DPYD: variants seen among roughly 807,000 people sequenced by gnomAD.
DPYD encodes the protein dihydropyrimidine dehydrogenase [NADP(+)].
DPYD carries 109 observed loss-of-function variants against 116.2 expected under a neutral mutation model. The observed-to-expected ratio is 0.94, with a 90% confidence interval of 0.80 to 1.10. DPYD has a LOEUF of 1.10. Among genes scored for constraint, DPYD ranks in the 50% least tolerant of loss-of-function variants. DPYD has a pLI of 0.00. For missense variants in DPYD, 1,302 were observed against 1,254.5 expected (o/e 1.04, Z -0.57); for synonymous variants, 440 against 432.0 (o/e 1.02, Z -0.23).
intron 13 of DPYD, among the ~76,000 whole-genome samples, chr1:97,451,582 G>A (rs902573386): frequency 2.0e-5 from 3 of 152,042 alleles, no homozygotes; most frequent in African/African-American, 7.2e-5. Context: ...GCTTTGATTT[G>A]CTATTGTGAA....
chr1:97,844,626 G>A (rs1670199589), intron 2 of DPYD, among the ~76,000 whole-genome samples: 1 of 152,186 alleles, frequency 6.6e-6, no homozygotes, highest in Admixed American at 6.5e-5. Context: ...CAGCTGGGGA[G>A]GTATGGCTGG....
intron 3 of DPYD, among the ~76,000 whole-genome samples, chr1:97,770,164 C>T (rs1227792460): frequency 1.3e-5 from 2 of 152,198 alleles, no homozygotes; most frequent in Admixed American, 1.3e-4. Flanking sequence ...AAGTTTGAAG[C>T]TCGCATGTCC....
chr1:97,264,834 A>G (rs1209626944), intron 18 of DPYD, among the ~76,000 whole-genome samples: 2 of 152,144 alleles, frequency 1.3e-5, no homozygotes, highest in African/African-American at 4.8e-5. Flanking sequence ...CACACATCAG[A>G]TATTTCTTGA....
At chr1:97,317,237 T>G (rs895704500) in intron 16 of DPYD, among the ~76,000 whole-genome samples, 1 of 152,014 alleles carries the variant, frequency 6.6e-6, no homozygotes. Context: ...AATGAGGGTA[T>G]GCAGCATAAT....
intron 16 of DPYD, among the ~76,000 whole-genome samples, chr1:97,310,539 C>T (rs1357135970): frequency 6.6e-6 from 1 of 151,748 alleles, no homozygotes; most frequent in African/African-American, 2.4e-5. Flanking sequence ...TCAACTGTTC[C>T]AGGCACAATT....
chr1:97,735,395 G>A (rs1289646460), intron 4 of DPYD, among the ~76,000 whole-genome samples: 11 of 151,854 alleles, frequency 7.2e-5, no homozygotes, highest in East Asian at 1.9e-4. Context: ...AATAAAAGGC[G>A]GCCAGGTGCG....
At chr1:97,134,767 GC>G (rs1653657425) in intron 20 of DPYD, among the ~76,000 whole-genome samples, 1 of 152,100 alleles carries the variant, frequency 6.6e-6, no homozygotes, top group Non-Finnish European at 1.5e-5. Flanking sequence ...GCTCTGCAGG[GC>G]CACGTGAGAT....
intron 19 of DPYD, among the ~76,000 whole-genome samples, chr1:97,212,092 C>T (rs965758340): frequency 2.0e-5 from 3 of 150,666 alleles, no homozygotes; most frequent in African/African-American, 7.4e-5. Flanking sequence ...TAGCATAAAA[C>T]TCGCCCACTA....
intron 1 of DPYD, among the ~76,000 whole-genome samples, chr1:97,897,094 G>T (rs1443871609): frequency 1.3e-5 from 2 of 151,800 alleles, no homozygotes; most frequent in African/African-American, 4.8e-5. Flanking sequence ...ATGCGGGTCT[G>T]CTGCTTATAA....
At chr1:97,686,357 C>G (rs544758206) in intron 7 of DPYD, among the ~76,000 whole-genome samples, 226 of 152,100 alleles carry the variant, frequency 1.5e-3, no homozygotes, top group African/African-American at 5.2e-3. Context: ...TACATATAGG[C>G]CGGGCGCGGT....
chr1:97,171,444 AT>A, intron 20 of DPYD, among the ~76,000 whole-genome samples: 1 of 152,180 alleles, frequency 6.6e-6, no homozygotes, highest in Admixed American at 6.5e-5. Flanking sequence ...AATCCCAAGC[AT>A]TAAAAACAAT....
chr1:97,424,101 A>G (rs2101707462), intron 14 of DPYD, among the ~76,000 whole-genome samples: 1 of 152,280 alleles, frequency 6.6e-6, no homozygotes, highest in Middle Eastern at 3.4e-3. Context: ...GACAATTCCA[A>G]TAACATCTAA....
chr1:97,104,317 T>C (rs1194456698), intron 20 of DPYD, among the ~76,000 whole-genome samples: 1 of 152,074 alleles, frequency 6.6e-6, no homozygotes, highest in Non-Finnish European at 1.5e-5. Flanking sequence ...CAGAAACAAA[T>C]TAAAGTATAT....
At chr1:97,656,010 G>C (rs1557864327) in intron 8 of DPYD, among the ~76,000 whole-genome samples, 1 of 152,102 alleles carries the variant, frequency 6.6e-6, no homozygotes, top group Non-Finnish European at 1.5e-5. Context: ...AGGCTTAGAA[G>C]ACAAGAGTGA....
intron 20 of DPYD, among the ~76,000 whole-genome samples, chr1:97,104,783 G>C (rs921598575): frequency 1.3e-5 from 2 of 152,096 alleles, no homozygotes; most frequent in African/African-American, 4.8e-5. Context: ...GCTACAAGAG[G>C]GTGAGGCACT....
intron 8 of DPYD, among the ~76,000 whole-genome samples, chr1:97,670,675 A>C (rs1299975262): frequency 1.3e-5 from 2 of 152,144 alleles, no homozygotes; most frequent in African/African-American, 2.4e-5. Flanking sequence ...CCCATAGTAT[A>C]TGTTCACTAA....
intron 18 of DPYD, among the ~76,000 whole-genome samples, chr1:97,245,741 T>A (rs908617262): frequency 1.3e-5 from 2 of 152,108 alleles, no homozygotes; most frequent in African/African-American, 4.8e-5. Context: ...AGGTTCCACA[T>A]CCATTAGGAT....
chr1:97,432,310 G>T (rs1214745373), intron 14 of DPYD, among the ~76,000 whole-genome samples: 1 of 152,032 alleles, frequency 6.6e-6, no homozygotes, highest in Non-Finnish European at 1.5e-5. Flanking sequence ...TAGTGCCTAT[G>T]CTAATTTACT....
chr1:97,226,470 T>C (rs993636084), intron 19 of DPYD, among the ~76,000 whole-genome samples: 20 of 152,132 alleles, frequency 1.3e-4, no homozygotes, highest in African/African-American at 4.8e-4. Flanking sequence ...ATATTATATG[T>C]AGGAAACTCG....
Sources: gnomAD v4.1 joint callset for allele counts (sites outside exome capture counted in the v4.1 genomes callset) on GRCh38, gnomAD v4.1.1 for gene constraint, MANE v1.5 for transcripts, NCBI Gene and HGNC (gene_info 2026-07-23, HGNC 2026-07-21) for gene names.